TAF5L: variants seen among roughly 807,000 people sequenced by gnomAD.
TAF5L encodes the protein TAF5-like RNA polymerase II p300/CBP-associated factor-associated factor 65 kDa subunit 5L.
A neutral mutation model predicts 51.3 loss-of-function variants in TAF5L; 7 were observed. That is an observed-to-expected ratio of 0.14 (90% CI 0.08 to 0.26). The LOEUF (loss-of-function observed/expected upper bound fraction) is 0.26, where lower values mean the gene tolerates loss of function less well. TAF5L is among the 10% of genes least tolerant of loss of function. The pLI is 1.00. For missense variants in TAF5L, 575 were observed against 758.9 expected (o/e 0.76, Z 2.85); for synonymous variants, 291 against 308.1 (o/e 0.94, Z 0.58).
chr1:229,602,541 A>G lies in TAF5L; in HGVS notation c.626T>C (p.Leu209Pro). 1 of 1,614,228 alleles carries G rather than the reference A, an allele frequency of 6.2e-7. No individual in the cohort carries two copies. Among genetic ancestry groups the G allele is most frequent in the Non-Finnish European group, 8.5e-7 (1 of 1,180,038 alleles). ...GCGGGAGGAGCTGCCACTGGCATAC[A>G]GCTGATAGTCTGTTCTCTTGGCAGG... Residue 209 changes from leucine (L) to proline (P), a missense_variant, in exon 4 of 5, where the codon CTG (leucine) becomes CCG (proline). Leu to Pro is a moderately conservative substitution (Grantham distance 98, BLOSUM62 -3). Coordinates refer to ENST00000258281, the Ensembl canonical transcript of TAF5L. The surrounding 1 kb of genome is among the most constrained non-coding windows in gnomAD (Gnocchi z 4.6).
At chr1:229,597,747 AAC>A (rs1664180579) in intron 4 of TAF5L, among the ~76,000 whole-genome samples, 1 of 152,240 alleles carries the variant, frequency 6.6e-6, no homozygotes, top group Admixed American at 6.5e-5. Flanking sequence ...TACATTATGA[AAC>A]ACACATGAAA....
At chr1:229,608,119 C>A (rs1664659979) in intron 3 of TAF5L, among the ~76,000 whole-genome samples, 1 of 152,258 alleles carries the variant, frequency 6.6e-6, no homozygotes, top group Middle Eastern at 3.4e-3. Context: ...CAAAATAATA[C>A]ACCTGGCCTT....
At chr1:229,600,155 A>G in intron 4 of TAF5L, 1 of 985,464 alleles carries the variant, frequency 1.0e-6, no homozygotes, top group Non-Finnish European at 1.2e-6. Flanking sequence ...AACATTAAAC[A>G]CCAACTATCG....
intron 2 of TAF5L, among the ~76,000 whole-genome samples, chr1:229,612,732 T>C (rs1313894935): frequency 6.6e-6 from 1 of 152,146 alleles, no homozygotes; most frequent in Non-Finnish European, 1.5e-5. Flanking sequence ...CCTGGGTCCT[T>C]GACTTTGAAG....
At chr1:229,622,786 A>AT (rs965023257) in intron 1 of TAF5L, among the ~76,000 whole-genome samples, 4 of 149,852 alleles carry the variant, frequency 2.7e-5, no homozygotes, top group African/African-American at 7.5e-5. Flanking sequence ...TAAAAAAAAA[A>AT]TTTTTTTTTG....
Position 229,594,783 on chromosome 1 carries a change from A to G in TAF5L, c.1284T>C (p.Asp428=), listed in dbSNP as rs774416918. ...TAGGGTGGAATTTGACACAGTCCAC[A>G]TCTGCCAGGTGTCCTGCATATATCC... Residue 428 remains aspartate, a synonymous_variant, in exon 5 of 5, where the codon GAT becomes GAC. Coordinates refer to ENST00000258281, the Ensembl canonical transcript of TAF5L. The surrounding 1 kb of genome is among the most constrained non-coding windows in gnomAD (Gnocchi z 7.9). The G allele has an allele frequency of 1.1e-5, 17 of 1,614,114 alleles. No homozygotes were observed. Among genetic ancestry groups the G allele is most frequent in the Non-Finnish European group, 1.4e-5 (17 of 1,180,048 alleles).
exon 2 of TAF5L, chr1:229,614,362 C>T (rs1263327766): frequency 2.5e-6 from 4 of 1,614,240 alleles, no homozygotes; most frequent in Non-Finnish European, 3.4e-6. Context: ...GCCGCCATCT[C>T]TTCAGCAGTC....
intron 1 of TAF5L, among the ~76,000 whole-genome samples, chr1:229,619,203 A>T (rs1442692225): frequency 2.0e-5 from 3 of 152,238 alleles, no homozygotes; most frequent in Admixed American, 1.3e-4. Context: ...TGCATTAATC[A>T]TCATGATAAA....
chr1:229,595,023 C>G (rs757142769), exon 5 of TAF5L: 2 of 1,614,052 alleles, frequency 1.2e-6, no homozygotes, highest in South Asian at 1.1e-5. Context: ...CGAGGAACCT[C>G]GTGCTGTACA....
At position 229,602,601 on chromosome 1, in the gene TAF5L, T is replaced by C. The variant is rs1014496972; in HGVS notation, c.566A>G (p.Lys189Arg). ...AAGATGAATATGTAAGGTGAGGACT[T>C]TGCACAGGGCAGTATTGTTGTCACT... The change falls in exon 4 of 5, where the codon AAA becomes AGA. Residue 189 changes from lysine to arginine, a missense_variant. This residue lies in a region of TAF5L where 380 missense variants were observed against 443.7 expected (regional missense o/e 0.86). Transcript: ENST00000258281. The surrounding 1 kb of genome is among the most constrained non-coding windows in gnomAD (Gnocchi z 4.6). 6.2e-7 allele frequency: 1 copy of C among 1,614,188 alleles called. No individual in the cohort carries two copies. The highest frequency in any genetic ancestry group is 1.1e-5 in the South Asian group (1 of 91,078).
At chr1:229,601,257 C>T in intron 4 of TAF5L, 1 of 985,268 alleles carries the variant, frequency 1.0e-6, no homozygotes, top group Non-Finnish European at 1.2e-6. Flanking sequence ...TCTTGACATC[C>T]TTATCATTAA....
At chr1:229,601,632 C>G (rs1367440883) in intron 4 of TAF5L, 3 of 986,248 alleles carry the variant, frequency 3.0e-6, no homozygotes, top group Non-Finnish European at 3.6e-6. Flanking sequence ...CAAGTGGGGT[C>G]TGGGAACACC....
At chr1:229,606,610 C>G in intron 3 of TAF5L, 2 of 985,448 alleles carry the variant, frequency 2.0e-6, no homozygotes, top group Non-Finnish European at 2.4e-6. Flanking sequence ...GCCCACACTA[C>G]TTGGTCCTGT....
exon 2 of TAF5L, chr1:229,614,354 C>T (rs183756968): frequency 3.6e-4 from 578 of 1,614,212 alleles, no homozygotes; most frequent in Non-Finnish European, 4.6e-4. Flanking sequence ...TTAGATTGGC[C>T]GCCATCTCTT....
At chr1:229,619,728 C>A (rs992231282) in intron 1 of TAF5L, among the ~76,000 whole-genome samples, 2 of 152,142 alleles carry the variant, frequency 1.3e-5, no homozygotes, top group Non-Finnish European at 2.9e-5. Flanking sequence ...TCTAACCAGT[C>A]ACTTTCCAGC....
In TAF5L at chr1:229,602,758, T is replaced by C. The variant is rs756772208; in HGVS notation, c.409A>G (p.Ile137Val). 3 of 1,614,150 alleles carry C rather than the reference T, an allele frequency of 1.9e-6. No homozygotes were observed. Among genetic ancestry groups the C allele is most frequent in the East Asian group, 2.2e-5 (1 of 44,872 alleles). The change falls in exon 4 of 5, where the codon ATT becomes GTT. Residue 137 changes from isoleucine (I) to valine (V), a missense_variant. By Grantham distance (29) the Ile-to-Val change is conservative. Coordinates refer to ENST00000258281, the Ensembl canonical transcript of TAF5L. The surrounding 1 kb of genome is among the most constrained non-coding windows in gnomAD (Gnocchi z 4.6). ...GTTTGAGTGGTCTGTAGCTGCTCAA[T>C]GACATCCTTCTGGCTAGCATTCTGC...
At chr1:229,605,569 C>T (rs1016039429) in intron 3 of TAF5L, among the ~76,000 whole-genome samples, 9 of 151,504 alleles carry the variant, frequency 5.9e-5, no homozygotes, top group Non-Finnish European at 1.2e-4. Flanking sequence ...CCACGGCACA[C>T]AGATATTCAG....
chr1:229,595,687 T>C (rs1664096572), intron 4 of TAF5L, among the ~76,000 whole-genome samples: 1 of 152,108 alleles, frequency 6.6e-6, no homozygotes, highest in Non-Finnish European at 1.5e-5. Flanking sequence ...TTTTTTCAGA[T>C]GGAGTTTCGC....
intron 1 of TAF5L, among the ~76,000 whole-genome samples, chr1:229,623,314 C>T (rs1317324064): frequency 6.6e-6 from 1 of 152,238 alleles, no homozygotes; most frequent in Non-Finnish European, 1.5e-5. Flanking sequence ...TTTCTACTGC[C>T]TCCACTAGTG....
Sources: gnomAD v4.1 joint callset for allele counts (sites outside exome capture counted in the v4.1 genomes callset) on GRCh38, gnomAD v4.1.1 for gene constraint, gnomAD v4.1.1 regional missense constraint, Gnocchi (gnomAD v3.1) non-coding constraint, MANE v1.5 for transcripts, NCBI Gene and HGNC (gene_info 2026-07-23, HGNC 2026-07-21) for gene names.